The following NATD1 variants were observed in gnomAD, a reference collection of about 807,000 sequenced individuals.
NATD1 encodes N-acetyltransferase domain containing 1.
NATD1 carries 9 observed loss-of-function variants against 12.0 expected under a neutral mutation model. The ratio of observed to expected loss-of-function variants is 0.75; its 90% CI spans 0.45 to 1.30. The LOEUF is 1.30. Ranked by LOEUF, NATD1 falls within the 50% of genes most tolerant of loss-of-function variation. NATD1 has a pLI of 0.00. For missense variants in NATD1, 148 were observed against 148.5 expected, an observed-to-expected ratio of 1.00 and a Z score of 0.02; for synonymous variants, 71 against 65.9, an observed-to-expected ratio of 1.08 and a Z score of -0.37.
chr17:21,250,603 T>G (rs1385343024), intron 1 of NATD1, among the ~76,000 whole-genome samples: 1 of 152,196 alleles, frequency 6.6e-6, no homozygotes, highest in African/African-American at 2.4e-5. Context: ...GTGCAAGACT[T>G]TGGGCAAGTC....
intron 1 of NATD1, among the ~76,000 whole-genome samples, chr17:21,246,713 C>G (rs76532132): frequency 0.039 from 6,000 of 151,956 alleles, 408 homozygotes; most frequent in African/African-American, 0.13. Flanking sequence ...ATCACAGAGG[C>G]CACACAGGTG....
At chr17:21,249,483 CAT>C (rs1270168027) in intron 1 of NATD1, among the ~76,000 whole-genome samples, 1 of 152,156 alleles carries the variant, frequency 6.6e-6, no homozygotes, top group African/African-American at 2.4e-5. Flanking sequence ...CCAGCGGCCT[CAT>C]ATTGGGGCTG....
At position 21,243,229 on chromosome 17, in the gene NATD1, G is replaced by T; in HGVS notation, c.*84C>A. 1 of 1,048,712 alleles carries T rather than the reference G, an allele frequency of 9.5e-7. No homozygotes were observed. Among genetic ancestry groups the T allele is most frequent in the Non-Finnish European group, 1.4e-6 (1 of 704,448 alleles). 65.0% of individuals were successfully genotyped at this position (1,048,712 alleles called of 1,614,324 possible). On this transcript the variant is annotated 3_prime_UTR_variant, in exon 3 of 3. Coordinates refer to ENST00000611551, the MANE Select transcript of NATD1 (RefSeq NM_152914.3). ...ATAACTCTGAGTCTGTTCCCAGTGG[G>T]ACCAGGTTCCTGAGAGCACGTGGGG...
chr17:21,240,704 C>A lies in NATD1; in HGVS notation c.*2609G>T, dbSNP rs1056926031. ...GAGCATCCCCTGCCCCAGTCAGGTT[C>A]TCGCCCAGGTGCATAAACCGGCCCC... On this transcript the variant is annotated 3_prime_UTR_variant, in exon 3 of 3. Transcript: ENST00000611551. 3.3e-5 allele frequency: 5 copies of A among 152,052 alleles called. No individual in the cohort carries two copies. Among genetic ancestry groups the A allele is most frequent in the Non-Finnish European group, 5.9e-5 (4 of 68,118 alleles). The allele number at this position is 152,052 out of a possible 1,614,324, so 9.4% of individuals were successfully genotyped here. A position where few individuals can be genotyped will look rare whatever the true frequency, so the allele number is the denominator to read the frequency against.
At chr17:21,247,251 T>G (rs112386551) in intron 1 of NATD1, among the ~76,000 whole-genome samples, 6 of 152,328 alleles carry the variant, frequency 3.9e-5, no homozygotes, top group African/African-American at 1.4e-4. Context: ...AAGAAATGTT[T>G]GTCCAACTAA....
chr17:21,250,176 A>T (rs1015453263), intron 1 of NATD1, among the ~76,000 whole-genome samples: 5 of 152,216 alleles, frequency 3.3e-5, no homozygotes, highest in African/African-American at 1.2e-4. Context: ...AACGGCTTCC[A>T]GGCCCTGCAC....
At chr17:21,250,766 G>A (rs975131238) in intron 1 of NATD1, among the ~76,000 whole-genome samples, 4 of 152,160 alleles carry the variant, frequency 2.6e-5, no homozygotes, top group African/African-American at 9.7e-5. Flanking sequence ...GTGCTCAAAC[G>A]TTTTCCCTCA....
At position 21,240,067 on chromosome 17, in the gene NATD1, A is replaced by G. The variant is rs1975252630; in HGVS notation, c.*3246T>C. The G allele has an allele frequency of 6.6e-6, 1 of 152,348 alleles. No homozygotes were observed. The highest frequency in any genetic ancestry group is 2.4e-5 in the African/African-American group (1 of 41,486). 9.4% of individuals were successfully genotyped at this position (152,348 alleles called of 1,614,324 possible). On this transcript the variant is annotated 3_prime_UTR_variant, in exon 3 of 3. Coordinates refer to ENST00000611551, the MANE Select transcript of NATD1 (RefSeq NM_152914.3). ...TAAAGGAAGCAACTTCTTATGGCACAGCGGATCTCATGCATGGCATCACTG... is the reference window on the plus strand; with the variant it reads ...TAAAGGAAGCAACTTCTTATGGCACGGCGGATCTCATGCATGGCATCACTG...
chr17:21,247,953 A>G (rs1053437066), intron 1 of NATD1, among the ~76,000 whole-genome samples: 17 of 152,096 alleles, frequency 1.1e-4, no homozygotes, highest in African/African-American at 3.9e-4. Flanking sequence ...ACCTGGAATG[A>G]GAGTCACGGA....
At position 21,243,426 on chromosome 17, in the gene NATD1, C is replaced by T. The variant is rs748542853; in HGVS notation, c.229G>A (p.Ala77Thr). The change falls in exon 3 of 3, where the codon GCC (alanine) becomes ACC (threonine). Residue 77 changes from alanine to threonine, a missense_variant. Physicochemically the swap from Ala to Thr is moderately conservative, Grantham distance 58. Coordinates refer to ENST00000611551, the MANE Select transcript of NATD1 (RefSeq NM_152914.3). The stretch of plus-strand genomic sequence containing the variant: ...TCCTCCTCCACCACGAAGTCCAGGG[C>T]GGCCTGGGAGCCGGGCAGAGAGGAG... ...RGIAKHLAKA[A>T]LDFVVEEDLK... 8.1e-6 allele frequency: 13 copies of T among 1,612,086 alleles called. No individual in the cohort carries two copies. The highest frequency in any genetic ancestry group is 6.6e-5 in the South Asian group (6 of 91,056).
At position 21,241,977 on chromosome 17, in the gene NATD1, G is replaced by A. The variant is rs937360605; in HGVS notation, c.*1336C>T. 2 of 152,818 alleles carry A rather than the reference G, an allele frequency of 1.3e-5. No homozygotes were observed. The highest frequency in any genetic ancestry group is 6.5e-5 in the Admixed American group (1 of 15,286). The allele number at this position is 152,818 out of a possible 1,614,324, so 9.5% of individuals were successfully genotyped here. On this transcript the variant is annotated 3_prime_UTR_variant, in exon 3 of 3. Coordinates refer to ENST00000611551, the MANE Select transcript of NATD1 (RefSeq NM_152914.3). ...TGACCACTGCCCCTGCACCGGGGGA[G>A]GAAGGCATGGGGGTCCTGGTGAACC...
chr17:21,249,109 A>C (rs926501504), intron 1 of NATD1, among the ~76,000 whole-genome samples: 1 of 152,114 alleles, frequency 6.6e-6, no homozygotes, highest in African/African-American at 2.4e-5. Context: ...GCTTGCAGAC[A>C]GGGGACAGGG....
In NATD1 at chr17:21,244,677, C is replaced by T. The variant is rs992665983; in HGVS notation, c.107-453G>A. ...AGATTAGAGAGGCAGCGCTGCGCCA[C>T]GCATCAGGACCACCTGCTGGACCCT... On this transcript the variant is annotated intron_variant, in intron 1 of 2. Transcript: ENST00000611551. This position sits in a 1 kb window ranked among gnomAD's most constrained non-coding sequence, Gnocchi z 5.2. Among the ~76,000 whole-genome samples, 7 of 152,166 alleles carry T rather than the reference C, an allele frequency of 4.6e-5. No homozygotes were observed. Among genetic ancestry groups the T allele is most frequent in the African/African-American group, 1.2e-4 (5 of 41,420 alleles).
At chr17:21,245,720 GCA>G (rs1041919955) in intron 1 of NATD1, among the ~76,000 whole-genome samples, 6 of 151,918 alleles carry the variant, frequency 3.9e-5, no homozygotes, top group African/African-American at 1.5e-4. Context: ...GCTACTTCCT[GCA>G]CCCGCCATCG....
chr17:21,243,941 C>T (rs1597783968), intron 2 of NATD1, among the ~76,000 whole-genome samples, 165 bp downstream of exon 2: 1 of 152,246 alleles, frequency 6.6e-6, no homozygotes, highest in Admixed American at 6.5e-5. Context: ...ACGCCAGGGT[C>T]TTGCAGAACA....
chr17:21,253,367 G>GCGGTGA lies in NATD1; in HGVS notation c.-104_-103insTCACCG. The GCGGTGA allele has an allele frequency of 3.2e-6, 1 of 316,476 alleles. No homozygotes were observed. The highest frequency in any genetic ancestry group is 2.3e-5 in the African/African-American group (1 of 43,866). 19.6% of individuals were successfully genotyped at this position (316,476 alleles called of 1,614,324 possible). ...GCGCGGGCGCAGGCGGCAGGCGGTG[G>GCGGTGA]GGTAGTTACGGCCTGGGAGACCGCA... On this transcript the variant is annotated 5_prime_UTR_variant, in exon 1 of 3. Coordinates refer to ENST00000611551, the MANE Select transcript of NATD1 (RefSeq NM_152914.3).
intron 1 of NATD1, among the ~76,000 whole-genome samples, chr17:21,250,464 C>G (rs1282985592): frequency 6.6e-6 from 1 of 152,194 alleles, no homozygotes; most frequent in Non-Finnish European, 1.5e-5. Context: ...AAAACTGACT[C>G]TATTTCTTGT....
chr17:21,244,553 A>C lies in NATD1; in HGVS notation c.107-329T>G, dbSNP rs1470993464. ...CCCTTTCTGTAGCCCTGCTCCCTGC[A>C]TCCCCACCCCACCACATCCCTGGAT... On this transcript the variant is annotated intron_variant, in intron 1 of 2. Transcript: ENST00000611551. This position sits in a 1 kb window ranked among gnomAD's most constrained non-coding sequence, Gnocchi z 5.2. Among the ~76,000 whole-genome samples, 2 of 152,048 alleles carry C rather than the reference A, an allele frequency of 1.3e-5. No homozygotes were observed. The highest frequency in any genetic ancestry group is 2.9e-5 in the Non-Finnish European group (2 of 67,988).
chr17:21,246,561 C>T (rs1332398817), intron 1 of NATD1, among the ~76,000 whole-genome samples: 2 of 151,352 alleles, frequency 1.3e-5, no homozygotes, highest in Non-Finnish European at 2.9e-5. Context: ...GTGGTACACA[C>T]CTATGGTCCC....
Sources: allele counts gnomAD v4.1 joint callset (sites outside exome capture counted in the v4.1 genomes callset), GRCh38; gene constraint gnomAD v4.1.1; non-coding constraint Gnocchi (gnomAD v3.1); transcripts MANE v1.5; gene names NCBI Gene and HGNC (gene_info 2026-07-23, HGNC 2026-07-21).